SKA2: variants seen among roughly 807,000 people sequenced by gnomAD.
The protein encoded by SKA2 is spindle and kinetochore associated complex subunit 2, also known as spindle and kinetochore-associated protein 2.
SKA2 carries 13 observed loss-of-function variants against 16.9 expected under a neutral mutation model. The ratio of observed to expected loss-of-function variants is 0.77; its 90% CI spans 0.50 to 1.22. The LOEUF (loss-of-function observed/expected upper bound fraction) is 1.22. Among genes scored for constraint, SKA2 ranks in the 50% most tolerant of loss-of-function variants. The pLI, the probability that SKA2 is intolerant of heterozygous loss-of-function variation, is 0.00. For synonymous variants in SKA2, 47 were observed against 48.5 expected (o/e 0.97, Z 0.13); for missense variants, 107 against 139.7 (o/e 0.77, Z 1.18).
Position 59,110,550 on chromosome 17 carries a change from T to C in SKA2, c.*1727A>G, listed in dbSNP as rs1335313919. 1.3e-5 allele frequency: 2 copies of C among 152,018 alleles called. No individual in the cohort carries two copies. The highest frequency in any genetic ancestry group is 2.9e-5 in the Non-Finnish European group (2 of 68,034). The allele number at this position is 152,018 out of a possible 1,614,324, so 9.4% of individuals were successfully genotyped here. A position where few individuals can be genotyped will look rare whatever the true frequency, so the allele number is the denominator to read the frequency against. ...GCTCATGCCTGTAATCCCAGCACTT[T>C]GGGAGGCCGAGGTGGGTGGATCACC... On this transcript the variant is annotated 3_prime_UTR_variant, in exon 4 of 4. Transcript: ENST00000330137.
At chr17:59,150,084 CT>C (rs2046565818) in intron 1 of SKA2, among the ~76,000 whole-genome samples, 1 of 152,150 alleles carries the variant, frequency 6.6e-6, no homozygotes, top group African/African-American at 2.4e-5. Flanking sequence ...GGTTACATGA[CT>C]GTATACATTT....
chr17:59,139,590 T>A (rs575684194), intron 1 of SKA2, among the ~76,000 whole-genome samples: 32 of 152,192 alleles, frequency 2.1e-4, no homozygotes, highest in African/African-American at 7.7e-4. Flanking sequence ...GCTCACGTAA[T>A]CTGCCCGCCT....
intron 2 of SKA2, among the ~76,000 whole-genome samples, chr17:59,128,675 G>A (rs1198241465): frequency 1.3e-5 from 2 of 151,316 alleles, no homozygotes; most frequent in Admixed American, 6.6e-5. Context: ...AGACATGAAA[G>A]GTCATATATT....
At chr17:59,137,175 C>T (rs938659364) in intron 1 of SKA2, among the ~76,000 whole-genome samples, 1 of 151,998 alleles carries the variant, frequency 6.6e-6, no homozygotes, top group Non-Finnish European at 1.5e-5. Context: ...CACTACCAAA[C>T]CCAGCTAATT....
chr17:59,148,004 G>A (rs922184938), intron 1 of SKA2, among the ~76,000 whole-genome samples: 10 of 151,748 alleles, frequency 6.6e-5, no homozygotes, highest in African/African-American at 1.5e-4. Flanking sequence ...CACTGCACTA[G>A]GCTAATTTTT....
intron 1 of SKA2, among the ~76,000 whole-genome samples, chr17:59,133,384 C>A (rs2147808380): frequency 6.6e-6 from 1 of 152,272 alleles, no homozygotes; most frequent in Non-Finnish European, 1.5e-5. Flanking sequence ...ATATAACTGT[C>A]CTTAGAGTTT....
chr17:59,126,290 T>G (rs1026252609), intron 2 of SKA2, among the ~76,000 whole-genome samples: 1 of 152,172 alleles, frequency 6.6e-6, no homozygotes, highest in African/African-American at 2.4e-5. Flanking sequence ...TCTCTGTAAA[T>G]AAACAAATCC....
intron 1 of SKA2, among the ~76,000 whole-genome samples, chr17:59,146,471 C>T (rs2046533302): frequency 6.6e-6 from 1 of 152,012 alleles, no homozygotes; most frequent in Middle Eastern, 3.4e-3. Context: ...TACACTCCAA[C>T]CTGGGTGACA....
chr17:59,121,819 A>G (rs2046336675), intron 2 of SKA2, among the ~76,000 whole-genome samples: 1 of 127,074 alleles, frequency 7.9e-6, no homozygotes, highest in Non-Finnish European at 1.7e-5. Context: ...AAAAAAAAAA[A>G]AAATTAGCCA....
intron 1 of SKA2, 113 bp downstream of exon 1, chr17:59,155,018 T>G (rs552595435): frequency 6.2e-7 from 1 of 1,613,964 alleles, no homozygotes; most frequent in Admixed American, 1.7e-5. Context: ...GGAACTCGAC[T>G]CTGGTCCAGC....
chr17:59,150,691 G>A (rs1221623979), intron 1 of SKA2, among the ~76,000 whole-genome samples: 1 of 152,060 alleles, frequency 6.6e-6, no homozygotes, highest in Non-Finnish European at 1.5e-5. Context: ...GCAGTGAGGT[G>A]TAACTGGGCC....
At chr17:59,137,976 C>A in intron 1 of SKA2, 1 of 289,982 alleles carries the variant, frequency 3.4e-6, no homozygotes. Context: ...AAACATCATT[C>A]ACAGCCCTTT....
intron 1 of SKA2, among the ~76,000 whole-genome samples, chr17:59,134,258 A>C (rs1419310255): frequency 6.6e-6 from 1 of 152,196 alleles, no homozygotes; most frequent in Non-Finnish European, 1.5e-5. Context: ...TGAGCACTCA[A>C]GACCTGATTT....
chr17:59,155,023 T>A (rs2046612697), intron 1 of SKA2, 108 bp downstream of exon 1: 2 of 1,613,928 alleles, frequency 1.2e-6, no homozygotes, highest in Non-Finnish European at 1.7e-6. Flanking sequence ...TCGACTCTGG[T>A]CCAGCCTCCG....
rs955606141 is a variant in SKA2 at position 59,154,193 on chromosome 17, G to T, written c.33+938C>A. ...CTGGGAAAAAAAAAAAAAAAGAAAA[G>T]AAAAGAAAAAAAAGATAATGCTGAA... On this transcript the variant is annotated intron_variant, in intron 1 of 3. Coordinates refer to ENST00000330137, the MANE Select transcript of SKA2 (RefSeq NM_182620.4). Among the ~76,000 whole-genome samples the T allele has an allele frequency of 4.5e-4, 67 of 147,294 alleles. 1 individual carries two copies. The highest frequency in any genetic ancestry group is 6.0e-5 in the Non-Finnish European group (4 of 66,562).
chr17:59,147,689 A>AACTT (rs2046544037), intron 1 of SKA2, among the ~76,000 whole-genome samples: 2 of 150,010 alleles, frequency 1.3e-5, no homozygotes, highest in Admixed American at 6.7e-5. Flanking sequence ...GTCTCGAACT[A>AACTT]CTGGGCTCAA....
At chr17:59,124,430 T>C (rs1426743025) in intron 2 of SKA2, 1 of 87,162 alleles carries the variant, frequency 1.1e-5, no homozygotes, top group East Asian at 2.4e-4. Context: ...AGACTCTGTC[T>C]GGGGAAAAAA....
intron 3 of SKA2, 117 bp downstream of exon 3, chr17:59,119,198 ATCTT>A (rs2046315970): frequency 5.6e-6 from 6 of 1,068,400 alleles, no homozygotes; most frequent in Non-Finnish European, 7.9e-6. Flanking sequence ...TATCAGGAAA[ATCTT>A]TCAATAGTTC....
intron 1 of SKA2, among the ~76,000 whole-genome samples, chr17:59,145,102 G>A (rs1432753844): frequency 6.6e-6 from 1 of 152,086 alleles, no homozygotes; most frequent in African/African-American, 2.4e-5. Flanking sequence ...CCAGTTGAGA[G>A]TTTCAGTTTT....
Sources: gnomAD v4.1 joint callset for allele counts (sites outside exome capture counted in the v4.1 genomes callset) on GRCh38, gnomAD v4.1.1 for gene constraint, MANE v1.5 for transcripts, NCBI Gene and HGNC (gene_info 2026-07-23, HGNC 2026-07-21) for gene names.